Variants in TRAPPC8 observed in about 807,000 individuals in gnomAD.
The protein encoded by TRAPPC8 is general sporulation gene 1 homolog.
TRAPPC8 carries 54 observed loss-of-function variants against 174.3 expected under a neutral mutation model. That is an observed-to-expected ratio of 0.31 (90% confidence interval 0.25 to 0.39). TRAPPC8 has a LOEUF of 0.39. Ranked by LOEUF, TRAPPC8 falls within the 10% of genes least tolerant of loss-of-function variation. The pLI, the probability that TRAPPC8 is intolerant of heterozygous loss-of-function variation, is 1.00. For missense variants in TRAPPC8, 1,531 were observed against 1,699.1 expected, an observed-to-expected ratio of 0.90 and a Z score of 1.74; for synonymous variants, 630 against 579.9, an observed-to-expected ratio of 1.09 and a Z score of -1.24.
intron 12 of TRAPPC8, among the ~76,000 whole-genome samples, chr18:31,889,681 A>C (rs979814135): frequency 3.3e-5 from 5 of 152,218 alleles, no homozygotes; most frequent in African/African-American, 1.2e-4. Flanking sequence ...TGTATCAATT[A>C]TTATAAAGAC....
intron 14 of TRAPPC8, among the ~76,000 whole-genome samples, chr18:31,873,084 C>T (rs181365964): frequency 8.9e-4 from 109 of 123,020 alleles, no homozygotes; most frequent in African/African-American, 3.0e-3. Flanking sequence ...GTGTCGTGAT[C>T]TCAGCTCACT....
At chr18:31,890,651 T>C in intron 12 of TRAPPC8, 84 bp downstream of exon 12, 1 of 1,483,762 alleles carries the variant, frequency 6.7e-7, no homozygotes, top group Non-Finnish European at 9.0e-7. Flanking sequence ...GTTTTTAAGA[T>C]CCTTTTTAAA....
intron 24 of TRAPPC8, among the ~76,000 whole-genome samples, chr18:31,850,643 T>A (rs1305461468): frequency 1.3e-5 from 2 of 152,196 alleles, no homozygotes; most frequent in Non-Finnish European, 2.9e-5. Context: ...AAACTTCAAG[T>A]TAATTATTAA....
At chr18:31,924,923 T>G (rs954801029) in intron 2 of TRAPPC8, among the ~76,000 whole-genome samples, 3 of 152,008 alleles carry the variant, frequency 2.0e-5, no homozygotes, top group African/African-American at 7.2e-5. Context: ...ACTATGTTCC[T>G]ATAAATGATC....
chr18:31,885,624 C>T (rs1468403225), intron 12 of TRAPPC8, among the ~76,000 whole-genome samples: 1 of 151,804 alleles, frequency 6.6e-6, no homozygotes, highest in East Asian at 1.9e-4. Context: ...TTTGGGAAGC[C>T]GAGGTGGGCA....
rs1176302576 is a variant in TRAPPC8 at position 31,911,892 on chromosome 18, T to A, written c.771+1477A>T. ...GTCTCAAAAAAAAAAAAAAAAAAAA[T>A]TTTCTTCTAAACAAAAAACAGTGAC... On this transcript the variant is annotated intron_variant, in intron 5 of 28. Transcript: ENST00000283351. 1.3e-3 allele frequency among the ~76,000 whole-genome samples: 146 copies of A among 114,450 alleles called. 1 individual carries two copies. The highest frequency in any genetic ancestry group is 6.5e-3 in the Middle Eastern group (1 of 154). The allele number at this position is 114,450 out of a possible 152,430, so 75.1% of individuals were successfully genotyped here.
chr18:31,904,266 A>G (rs1012803720), intron 9 of TRAPPC8, among the ~76,000 whole-genome samples: 3 of 151,934 alleles, frequency 2.0e-5, no homozygotes, highest in Non-Finnish European at 4.4e-5. Flanking sequence ...AAAGAACCTA[A>G]GTTTTAATGG....
intron 11 of TRAPPC8, among the ~76,000 whole-genome samples, chr18:31,892,187 G>C (rs1199238273): frequency 1.3e-5 from 2 of 152,072 alleles, no homozygotes; most frequent in Non-Finnish European, 2.9e-5. Context: ...ATCTTTCCTA[G>C]CCCATGCTTC....
At chr18:31,888,733 C>G (rs372957206) in intron 12 of TRAPPC8, among the ~76,000 whole-genome samples, 50 of 152,230 alleles carry the variant, frequency 3.3e-4, no homozygotes, top group African/African-American at 1.2e-3. Context: ...CACATGGACA[C>G]AGTCCAACAC....
chr18:31,890,640 AGT>A, intron 12 of TRAPPC8, 93 bp downstream of exon 12: 1 of 1,420,156 alleles, frequency 7.0e-7, no homozygotes, highest in South Asian at 1.3e-5. Flanking sequence ...AACAAAATTT[AGT>A]TTTTAAGATC....
chr18:31,893,341 C>T (rs2145375501), intron 11 of TRAPPC8, among the ~76,000 whole-genome samples: 1 of 152,086 alleles, frequency 6.6e-6, no homozygotes, highest in East Asian at 1.9e-4. Context: ...TGTTATCATT[C>T]CAGGACTTTA....
Position 31,916,344 on chromosome 18 carries a change from G to A in TRAPPC8, c.545C>T (p.Pro182Leu). 2 of 1,613,572 alleles carry A rather than the reference G, an allele frequency of 1.2e-6. No homozygotes were observed. Among genetic ancestry groups the A allele is most frequent in the South Asian group, 2.2e-5 (2 of 90,968 alleles). The change falls in exon 4 of 29, where the codon CCC becomes CTC. Residue 182 changes from proline to leucine, a missense_variant. Coordinates refer to ENST00000283351, the MANE Select transcript of TRAPPC8 (RefSeq NM_014939.5). ...RIQHNSDYSYPKWFIPNTLKY... is the reference protein window; with the variant it reads ...RIQHNSDYSYLKWFIPNTLKY... ...AAGTGTATTTGGTATAAACCACTTG[G>A]GGTAGGAATAATCACTGTTGTGCTG... is the stretch of plus-strand genomic sequence containing the variant.
intron 27 of TRAPPC8, among the ~76,000 whole-genome samples, chr18:31,836,523 G>A (rs1198447905): frequency 2.0e-5 from 3 of 152,140 alleles, no homozygotes; most frequent in Non-Finnish European, 4.4e-5. Context: ...GAAGCAGGAC[G>A]GGTTTAATAA....
At chr18:31,887,930 T>C (rs1422028380) in intron 12 of TRAPPC8, among the ~76,000 whole-genome samples, 4 of 152,180 alleles carry the variant, frequency 2.6e-5, no homozygotes, top group Non-Finnish European at 5.9e-5. Context: ...GCAAATGACA[T>C]GATCCTGTGT....
intron 11 of TRAPPC8, among the ~76,000 whole-genome samples, chr18:31,892,688 T>A (rs1301156983): frequency 2.6e-5 from 4 of 152,140 alleles, no homozygotes; most frequent in Admixed American, 6.5e-5. Context: ...TAAGAGTATA[T>A]GTGTTCCACT....
Position 31,932,997 on chromosome 18 carries a change from C to CAAAAAA in TRAPPC8, c.158-1480_158-1475dup, listed in dbSNP as rs35234467. On this transcript the variant is annotated intron_variant, in intron 1 of 28. Coordinates refer to ENST00000283351, the MANE Select transcript of TRAPPC8 (RefSeq NM_014939.5). Reference sequence around the variant, plus strand: ...TGGGCGACAGAGTGAGACTCCGTCTCAAAAAAAAAAAAAAAAAAAAAAAGC... The same window carrying CAAAAAA: ...TGGGCGACAGAGTGAGACTCCGTCTCAAAAAAAAAAAAAAAAAAAAAAAAAAAAAGC... Among the ~76,000 whole-genome samples, 39 of 42,686 alleles carry CAAAAAA rather than the reference C, an allele frequency of 9.1e-4. 1 individual carries two copies. Among genetic ancestry groups the CAAAAAA allele is most frequent in the African/African-American group, 3.4e-3 (23 of 6,712 alleles). The allele number at this position is 42,686 out of a possible 152,430, so 28.0% of individuals were successfully genotyped here.
At chr18:31,856,324 T>C (rs1417428443) in intron 20 of TRAPPC8, among the ~76,000 whole-genome samples, 2 of 152,092 alleles carry the variant, frequency 1.3e-5, no homozygotes, top group African/African-American at 2.4e-5. Context: ...ATCTTCATCA[T>C]AAGGTGTCTG....
chr18:31,871,806 AT>A (rs1159712198), intron 14 of TRAPPC8, among the ~76,000 whole-genome samples: 18 of 152,066 alleles, frequency 1.2e-4, no homozygotes, highest in African/African-American at 4.1e-4. Context: ...TAGGAATTCT[AT>A]TTCTTTCACT....
At chr18:31,916,056 CAA>C (rs34732342) in intron 4 of TRAPPC8, among the ~76,000 whole-genome samples, 100 of 87,922 alleles carry the variant, frequency 1.1e-3, no homozygotes, top group South Asian at 4.3e-3. Flanking sequence ...GACCTCGTCT[CAA>C]AAAAAAAAAA....
Sources: allele counts gnomAD v4.1 joint callset (sites outside exome capture counted in the v4.1 genomes callset), GRCh38; gene constraint gnomAD v4.1.1; transcripts MANE v1.5; gene names NCBI Gene and HGNC (gene_info 2026-07-23, HGNC 2026-07-21).